Variants in ERCC6L2 observed in about 807,000 individuals in gnomAD.
ERCC6L2 encodes ERCC excision repair 6 like 2.
Under a neutral mutation model 132.0 loss-of-function variants are expected in ERCC6L2, and 77 were observed. The observed-to-expected ratio is 0.58, with a 90% CI of 0.49 to 0.71. The LOEUF (loss-of-function observed/expected upper bound fraction) is 0.71. ERCC6L2 is among the 30% of genes least tolerant of loss of function. ERCC6L2 has a pLI of 0.00. For missense variants in ERCC6L2, 1,542 were observed against 1,837.6 expected (o/e 0.84, Z 2.94); for synonymous variants, 583 against 632.4 (o/e 0.92, Z 1.17).
intron 12 of ERCC6L2, among the ~76,000 whole-genome samples, chr9:95,948,424 G>C (rs1205522004): frequency 6.6e-6 from 1 of 152,152 alleles, no homozygotes; most frequent in African/African-American, 2.4e-5. Context: ...AGGCCAGGGC[G>C]GGTAGATCAC....
intron 18 of ERCC6L2, among the ~76,000 whole-genome samples, chr9:96,011,234 G>A (rs1305622257): frequency 1.3e-5 from 2 of 152,248 alleles, no homozygotes; most frequent in Admixed American, 6.5e-5. Context: ...TGGCTGGCAG[G>A]TGGCCACCAT....
At position 95,876,119 on chromosome 9, in the gene ERCC6L2, C is replaced by T; in HGVS notation, c.46+35C>T. ...CCGCGCTCGCCCCTTACGCAGAGGC[C>T]TGTGTACTGCGTCGCGTTGGACCAG... On this transcript the variant is annotated intron_variant, in intron 1 of 18. Coordinates refer to ENST00000653738, the MANE Select transcript of ERCC6L2 (RefSeq NM_020207.7). The T allele has an allele frequency of 3.2e-6, 5 of 1,539,728 alleles. No individual in the cohort carries two copies. In the South Asian group the frequency reaches 3.6e-5, roughly 11 times the overall value.
At chr9:95,924,757 G>A (rs1830030905) in intron 9 of ERCC6L2, among the ~76,000 whole-genome samples, 1 of 152,052 alleles carries the variant, frequency 6.6e-6, no homozygotes, top group Non-Finnish European at 1.5e-5. Context: ...GTCTGATTAA[G>A]AGAATGATTA....
At chr9:95,916,017 T>C (rs1022523955) in intron 5 of ERCC6L2, among the ~76,000 whole-genome samples, 188 bp downstream of exon 5, 7 of 152,300 alleles carry the variant, frequency 4.6e-5, no homozygotes, top group African/African-American at 1.7e-4. Flanking sequence ...TTACTCTTGG[T>C]CCCTGAAGTA....
intron 19 of ERCC6L2, among the ~76,000 whole-genome samples, chr9:96,030,323 G>C (rs1002576612): frequency 6.6e-6 from 1 of 151,948 alleles, no homozygotes; most frequent in African/African-American, 2.4e-5. Flanking sequence ...GCGGCAACAC[G>C]CTCGGGTTCC....
At chr9:95,923,068 T>C (rs1829946008) in intron 8 of ERCC6L2, among the ~76,000 whole-genome samples, 192 bp from the exon 9 acceptor site, 1 of 152,206 alleles carries the variant, frequency 6.6e-6, no homozygotes, top group Non-Finnish European at 1.5e-5. Context: ...AACCACATCA[T>C]TAAGAATTCA....
chr9:95,950,112 G>A (rs936711346), intron 12 of ERCC6L2, among the ~76,000 whole-genome samples: 25 of 152,098 alleles, frequency 1.6e-4, no homozygotes, highest in Admixed American at 1.1e-3. Context: ...AAGATCTCCA[G>A]TTAAGGTAAG....
downstream of ERCC6L2, among the ~76,000 whole-genome samples, chr9:96,019,118 C>T (rs1834241834): frequency 7.3e-6 from 1 of 136,168 alleles, no homozygotes; most frequent in Non-Finnish European, 1.6e-5. Flanking sequence ...AAATGTCTGG[C>T]AACTAAAATT....
At chr9:95,940,375 G>A (rs62562983) in intron 11 of ERCC6L2, among the ~76,000 whole-genome samples, 2,433 of 152,086 alleles carry the variant, frequency 0.016, 29 homozygotes, top group Non-Finnish European at 0.025. Context: ...TGTGACTTTC[G>A]GCATTACCAA....
Position 95,973,101 on chromosome 9 carries a change from A to G in ERCC6L2, c.3337+13A>G. The G allele has an allele frequency of 7.7e-7, 1 of 1,298,228 alleles. No individual in the cohort carries two copies. Among genetic ancestry groups the G allele is most frequent in the Non-Finnish European group, 1.0e-6 (1 of 989,264 alleles). The allele number at this position is 1,298,228 out of a possible 1,614,324, so 80.4% of individuals were successfully genotyped here. On this transcript the variant is annotated intron_variant, in intron 16 of 18. Coordinates refer to ENST00000653738, the MANE Select transcript of ERCC6L2 (RefSeq NM_020207.7). ...GATAAATTTTTAGGTAACTAAAGAC[A>G]CATTCTCAAAACTTTAAAAAGTATA...
rs897301539 is a variant in ERCC6L2 at position 96,015,534 on chromosome 9, G to A, written c.*2331G>A. Among the ~76,000 whole-genome samples, 28 of 150,868 alleles carry A rather than the reference G, an allele frequency of 1.9e-4. No homozygotes were observed. Among genetic ancestry groups the A allele is most frequent in the South Asian group, 6.5e-4 (3 of 4,650 alleles). ...TTTTAGGCCGGGCACAGTGGCTCAC[G>A]CCTGTAATCCCAGCACTTTGGGAGG... On this transcript the variant is annotated 3_prime_UTR_variant, in exon 19 of 19. Coordinates refer to ENST00000653738, the MANE Select transcript of ERCC6L2 (RefSeq NM_020207.7).
At chr9:95,953,219 A>C (rs918730323) in intron 12 of ERCC6L2, among the ~76,000 whole-genome samples, 11 of 152,284 alleles carry the variant, frequency 7.2e-5, no homozygotes, top group African/African-American at 2.2e-4. Flanking sequence ...AAATGATTAA[A>C]TTTTTTGTTT....
intron 17 of ERCC6L2, among the ~76,000 whole-genome samples, chr9:95,996,656 C>G (rs1047644884): frequency 6.6e-6 from 1 of 152,158 alleles, no homozygotes; most frequent in Non-Finnish European, 1.5e-5. Context: ...AGGATTATGC[C>G]AAATCTATTC....
At chr9:95,981,184 A>G (rs954881211) in intron 17 of ERCC6L2, among the ~76,000 whole-genome samples, 2 of 152,210 alleles carry the variant, frequency 1.3e-5, no homozygotes, top group Non-Finnish European at 2.9e-5. Context: ...AATATACTAA[A>G]TTGAAAACTT....
intron 3 of ERCC6L2, chr9:95,906,860 G>A (rs1829063965): frequency 1.7e-6 from 1 of 572,426 alleles, no homozygotes; most frequent in African/African-American, 1.9e-5. Flanking sequence ...AGCAAGGTTA[G>A]GTGTCTGTCT....
intron 2 of ERCC6L2, among the ~76,000 whole-genome samples, chr9:95,884,689 A>G (rs1587840524): frequency 6.6e-6 from 1 of 152,122 alleles, no homozygotes; most frequent in South Asian, 2.1e-4. Context: ...AAAAATGTCC[A>G]TTTGTTCTAG....
intron 13 of ERCC6L2, 38 bp downstream of exon 13, chr9:95,956,051 A>T: frequency 7.9e-7 from 1 of 1,270,812 alleles, no homozygotes; most frequent in Non-Finnish European, 1.1e-6. Flanking sequence ...AGAGGTCAAC[A>T]TTTATCTGTT....
Position 95,990,337 on chromosome 9 carries a change from T to A in ERCC6L2, c.3492+12122T>A, listed in dbSNP as rs181615929. 1.5e-4 allele frequency among the ~76,000 whole-genome samples: 23 copies of A among 152,330 alleles called. No individual in the cohort carries two copies. The East Asian group carries it at 4.4e-3, about 29-fold the overall frequency. On this transcript the variant is annotated intron_variant, in intron 17 of 18. Coordinates refer to ENST00000653738, the MANE Select transcript of ERCC6L2 (RefSeq NM_020207.7). ...AATTTGCCAACATGAAGGTATCAAGTATGTGTTGAATGAAGACATTCCAGT... is the reference window on the plus strand; with the variant it reads ...AATTTGCCAACATGAAGGTATCAAGAATGTGTTGAATGAAGACATTCCAGT...
At chr9:95,888,212 T>C (rs969990893) in intron 2 of ERCC6L2, among the ~76,000 whole-genome samples, 9 of 152,104 alleles carry the variant, frequency 5.9e-5, no homozygotes, top group Non-Finnish European at 1.2e-4. Context: ...AATAGACAAT[T>C]TTTGCTATGC....
Sources: allele counts gnomAD v4.1 joint callset (sites outside exome capture counted in the v4.1 genomes callset), GRCh38; gene constraint gnomAD v4.1.1; transcripts MANE v1.5; gene names NCBI Gene and HGNC (gene_info 2026-07-23, HGNC 2026-07-21).